SYT17: variants seen among roughly 807,000 people sequenced by gnomAD.
SYT17 encodes the protein synaptotagmin 17, also known as synaptotagmin-17.
In SYT17, 22 loss-of-function variants were observed where a neutral mutation model predicts 46.7. That is an observed-to-expected ratio of 0.47 (90% CI 0.34 to 0.67). SYT17 has a LOEUF of 0.67. Ranked by LOEUF, SYT17 falls within the 30% of genes least tolerant of loss-of-function variation. The pLI is 0.01. For synonymous variants in SYT17, 251 were observed against 248.4 expected (o/e 1.01, Z -0.10); for missense variants, 519 against 612.8 (o/e 0.85, Z 1.62).
intron 5 of SYT17, among the ~76,000 whole-genome samples, chr16:19,220,711 C>T (rs1163575054): frequency 6.6e-6 from 1 of 152,130 alleles, no homozygotes; most frequent in Non-Finnish European, 1.5e-5. Flanking sequence ...CTAGGCTCAG[C>T]CTCAAATACA....
In SYT17 at chr16:19,178,725, T is replaced by C. The variant is rs74011526; in HGVS notation, c.183-1666T>C. 1.6e-3 allele frequency among the ~76,000 whole-genome samples: 241 copies of C among 152,154 alleles called. 1 individual carries two copies. The highest frequency in any genetic ancestry group is 5.7e-3 in the African/African-American group (236 of 41,490). ...TAGGCTTTAATGTCAAGTTGGGGGG[T>C]ATGCAGCCTCGGAAGGCATAAATCT... On this transcript the variant is annotated intron_variant, in intron 3 of 7. Coordinates refer to ENST00000355377, the MANE Select transcript of SYT17 (RefSeq NM_016524.4).
At chr16:19,233,485 T>TA (rs34656222) in intron 7 of SYT17, among the ~76,000 whole-genome samples, 5,718 of 142,160 alleles carry the variant, frequency 0.04, 364 homozygotes, top group African/African-American at 0.14. Flanking sequence ...ATCCCATTTC[T>TA]AAAAAAAAAA....
chr16:19,174,214 C>G (rs1321788815), intron 3 of SYT17, among the ~76,000 whole-genome samples: 1 of 152,246 alleles, frequency 6.6e-6, no homozygotes, highest in African/African-American at 2.4e-5. Flanking sequence ...CGCCTGCATA[C>G]AACATCTCCA....
intron 5 of SYT17, among the ~76,000 whole-genome samples, chr16:19,213,954 C>G (rs1041156993): frequency 4.6e-5 from 7 of 152,158 alleles, no homozygotes; most frequent in African/African-American, 1.7e-4. Flanking sequence ...GATTTCTCAC[C>G]TTTGGCACTA....
At chr16:19,258,755 G>T (rs185175545) in intron 7 of SYT17, among the ~76,000 whole-genome samples, 1 of 152,142 alleles carries the variant, frequency 6.6e-6, no homozygotes, top group South Asian at 2.1e-4. Context: ...GGACAGCACC[G>T]CAAAACACAG....
chr16:19,266,582 C>A (rs143027823), intron 7 of SYT17, among the ~76,000 whole-genome samples: 2 of 152,034 alleles, frequency 1.3e-5, no homozygotes, highest in African/African-American at 4.8e-5. Flanking sequence ...ATATTGCAGG[C>A]GGTGCAGCTG....
chr16:19,216,856 C>T (rs1264655570), intron 5 of SYT17, among the ~76,000 whole-genome samples: 2 of 152,142 alleles, frequency 1.3e-5, no homozygotes, highest in Non-Finnish European at 2.9e-5. Context: ...GTGCATGTGT[C>T]TTTATAGTAG....
chr16:19,194,580 T>C (rs1399130925), intron 5 of SYT17, among the ~76,000 whole-genome samples: 1 of 152,166 alleles, frequency 6.6e-6, no homozygotes, highest in Admixed American at 6.5e-5. Flanking sequence ...TTTGTTGTTA[T>C]TTCGTGTTGG....
chr16:19,200,455 C>T (rs995045433), intron 5 of SYT17, among the ~76,000 whole-genome samples: 1 of 152,126 alleles, frequency 6.6e-6, no homozygotes, highest in Admixed American at 6.5e-5. Context: ...TGGTTGAATC[C>T]ATTGCCTCTT....
chr16:19,183,870 C>A lies in SYT17; in HGVS notation c.674C>A (p.Ala225Glu). Residue 225 changes from alanine (A) to glutamate (E), a missense_variant, in exon 5 of 8, where the codon GCG (alanine) becomes GAG (glutamate). Physicochemically the swap from Ala to Glu is moderately radical, Grantham distance 107. Coordinates refer to ENST00000355377, the MANE Select transcript of SYT17 (RefSeq NM_016524.4). This position sits in a 1 kb window ranked among gnomAD's most constrained non-coding sequence, Gnocchi z 5.6. ...ISHDGSRQDM[A>E]HSNPYVKICL... ...CACGATGGCTCGCGCCAGGACATGG[C>A]GCACTCCAACCCCTACGTCAAGATC... 2 of 1,614,164 alleles carry A rather than the reference C, an allele frequency of 1.2e-6. No individual in the cohort carries two copies. Among genetic ancestry groups the A allele is most frequent in the Non-Finnish European group, 8.5e-7 (1 of 1,180,044 alleles).
Position 19,232,851 on chromosome 16 carries a change from C to CAA in SYT17, c.1228+8015_1228+8016dup, listed in dbSNP as rs1288741937. Among the ~76,000 whole-genome samples the CAA allele has an allele frequency of 2.0e-5, 3 of 151,628 alleles. No homozygotes were observed. The South Asian group carries it at 6.3e-4, about 32-fold the overall frequency. On this transcript the variant is annotated intron_variant, in intron 7 of 7. Transcript: ENST00000355377. ...TATCTCAAAAACATAAACAAACAAACAAACAAACAAACAAACTCTCTAGCA... is the reference window on the plus strand; with the variant it reads ...TATCTCAAAAACATAAACAAACAAACAAAAACAAACAAACAAACTCTCTAGCA...
intron 5 of SYT17, among the ~76,000 whole-genome samples, chr16:19,218,232 A>C (rs1357494895): frequency 6.6e-6 from 1 of 152,190 alleles, no homozygotes; most frequent in Non-Finnish European, 1.5e-5. Context: ...TGGACCTAGT[A>C]CCTGTTACAT....
At chr16:19,201,515 G>A (rs758224487) in intron 5 of SYT17, among the ~76,000 whole-genome samples, 1 of 152,038 alleles carries the variant, frequency 6.6e-6, no homozygotes, top group Non-Finnish European at 1.5e-5. Flanking sequence ...AAAAAGTGGG[G>A]AAGGGAGGAG....
intron 5 of SYT17, among the ~76,000 whole-genome samples, chr16:19,208,764 G>T (rs1031796031): frequency 6.6e-6 from 1 of 151,714 alleles, no homozygotes; most frequent in African/African-American, 2.4e-5. Flanking sequence ...ATCTTCACGT[G>T]GTATTCTCCC....
intron 7 of SYT17, among the ~76,000 whole-genome samples, chr16:19,237,809 T>G (rs1333923136): frequency 6.6e-6 from 1 of 152,190 alleles, no homozygotes; most frequent in African/African-American, 2.4e-5. Context: ...TTGGGGCTCA[T>G]CTGCCCTGCA....
chr16:19,183,330 C>T lies in SYT17; in HGVS notation c.332-198C>T, dbSNP rs1964631330. ...CATTAGAGCAGTGCCTGGCACTTAG[C>T]TGCTGTGATGATGGCAAGGTGTCAA... On this transcript the variant is annotated intron_variant, in intron 4 of 7. Transcript: ENST00000355377. This position sits in a 1 kb window ranked among gnomAD's most constrained non-coding sequence, Gnocchi z 5.6. Among the ~76,000 whole-genome samples, 1 of 152,224 alleles carries T rather than the reference C, an allele frequency of 6.6e-6. No individual in the cohort carries two copies. Among genetic ancestry groups the T allele is most frequent in the Admixed American group, 6.5e-5 (1 of 15,288 alleles).
In SYT17 at chr16:19,237,514, C is replaced by T. The variant is rs551267100; in HGVS notation, c.1228+12676C>T. Among the ~76,000 whole-genome samples the T allele has an allele frequency of 3.3e-5, 5 of 152,306 alleles. No homozygotes were observed. The East Asian group carries it at 5.8e-4, about 18-fold the overall frequency. ...ACCTGGAAGTTACCGTCCCTTTCCA[C>T]GGCAATGACCCGACAACCCAAAAGT... On this transcript the variant is annotated intron_variant, in intron 7 of 7. Coordinates refer to ENST00000355377, the MANE Select transcript of SYT17 (RefSeq NM_016524.4).
Position 19,224,807 on chromosome 16 carries a change from A to G in SYT17, c.1197A>G (p.Glu399=). 6.2e-7 allele frequency: 1 copy of G among 1,614,128 alleles called. No individual in the cohort carries two copies. The highest frequency in any genetic ancestry group is 8.5e-7 in the Non-Finnish European group (1 of 1,179,954). Reference sequence around the variant, plus strand: ...CCTTCAGCTTCAAAGTTCCCCAAGAAGAACTGGAAAATGCCAGCCTAGTGT... The same window carrying G: ...CCTTCAGCTTCAAAGTTCCCCAAGAGGAACTGGAAAATGCCAGCCTAGTGT... ...NESFSFKVPQ[E]ELENASLVFT... Residue 399 remains glutamate (E), a synonymous_variant, in exon 7 of 8, where the codon GAA becomes GAG. Coordinates refer to ENST00000355377, the MANE Select transcript of SYT17 (RefSeq NM_016524.4).
At chr16:19,213,951 C>T (rs78532519) in intron 5 of SYT17, among the ~76,000 whole-genome samples, 1,656 of 152,300 alleles carry the variant, frequency 0.011, 28 homozygotes, top group African/African-American at 0.038. Flanking sequence ...CAGGATTTCT[C>T]ACCTTTGGCA....
Sources: gnomAD v4.1 joint callset for allele counts (sites outside exome capture counted in the v4.1 genomes callset) on GRCh38, gnomAD v4.1.1 for gene constraint, Gnocchi (gnomAD v3.1) non-coding constraint, MANE v1.5 for transcripts, NCBI Gene and HGNC (gene_info 2026-07-23, HGNC 2026-07-21) for gene names.